Variants in SLIT1 observed in about 807,000 individuals in gnomAD.
SLIT1 encodes slit guidance ligand 1, also known as slit homolog 1 protein.
SLIT1 carries 66 observed loss-of-function variants against 186.1 expected under a neutral mutation model. The observed-to-expected ratio is 0.35, with a 90% confidence interval of 0.29 to 0.44. SLIT1 has a LOEUF of 0.44. Ranked by LOEUF, SLIT1 falls within the 20% of genes least tolerant of loss-of-function variation. SLIT1 has a pLI of 1.00. For synonymous variants in SLIT1, 761 were observed against 833.8 expected, an observed-to-expected ratio of 0.91 and a Z score of 1.50; for missense variants, 1,638 against 2,037.4, an observed-to-expected ratio of 0.80 and a Z score of 3.77.
At position 97,038,611 on chromosome 10, in the gene SLIT1, G is replaced by A. The variant is rs1033105423; in HGVS notation, c.2298-845C>T. On this transcript the variant is annotated intron_variant, in intron 21 of 36. Transcript: ENST00000266058. ...TGACCATTCATGCCTCCAGCCTGAA[G>A]GTGCTAAGCAGTGGCCCAATGCCAG... Among the ~76,000 whole-genome samples, 19 of 152,284 alleles carry A rather than the reference G, an allele frequency of 1.2e-4. 1 individual carries two copies. The highest frequency in any genetic ancestry group is 1.2e-3 in the South Asian group (6 of 4,826).
chr10:97,131,492 A>G (rs1197261962), intron 4 of SLIT1, among the ~76,000 whole-genome samples: 3 of 152,238 alleles, frequency 2.0e-5, no homozygotes, highest in African/African-American at 7.2e-5. Context: ...GGTATGGCCA[A>G]CAACACACTC....
At chr10:97,027,308 T>A (rs1193141272) in intron 25 of SLIT1, among the ~76,000 whole-genome samples, 1 of 152,242 alleles carries the variant, frequency 6.6e-6, no homozygotes, top group African/African-American at 2.4e-5. Context: ...GAGTTGCAGG[T>A]CTTAAGCACA....
chr10:97,138,993 A>G (rs911221147), intron 4 of SLIT1, among the ~76,000 whole-genome samples: 1 of 152,216 alleles, frequency 6.6e-6, no homozygotes, highest in African/African-American at 2.4e-5. Context: ...CCAAGACCAT[A>G]TCTAATCCAT....
At chr10:97,123,336 G>A (rs1434048564) in intron 4 of SLIT1, among the ~76,000 whole-genome samples, 1 of 152,218 alleles carries the variant, frequency 6.6e-6, no homozygotes, top group Admixed American at 6.5e-5. Context: ...CCTGTGGAAT[G>A]TAAAATTGTA....
chr10:97,147,859 C>G (rs1392112288), intron 4 of SLIT1, among the ~76,000 whole-genome samples: 1 of 152,196 alleles, frequency 6.6e-6, no homozygotes, highest in African/African-American at 2.4e-5. Flanking sequence ...ATTCCCACCC[C>G]TGTGTCTGCA....
intron 4 of SLIT1, among the ~76,000 whole-genome samples, chr10:97,107,910 C>A (rs985241718): frequency 1.3e-5 from 2 of 152,172 alleles, no homozygotes; most frequent in African/African-American, 4.8e-5. Flanking sequence ...AGAAGACAAA[C>A]CGAGGGGTTG....
At chr10:97,167,073 G>A (rs1280334726) in intron 1 of SLIT1, among the ~76,000 whole-genome samples, 1 of 152,132 alleles carries the variant, frequency 6.6e-6, no homozygotes, top group Non-Finnish European at 1.5e-5. Flanking sequence ...TTCCTAACAG[G>A]ATCTCTCAGA....
At chr10:97,001,465 T>A (rs2002616) in intron 36 of SLIT1, 115 bp from the exon 37 acceptor site, 73,523 of 768,372 alleles carry the variant, frequency 0.096, 4,539 homozygotes, top group Admixed American at 0.21. Flanking sequence ...GGTGGATCCT[T>A]TGGCTCTCAG....
In SLIT1 at chr10:97,011,162, G is replaced by C. The variant is rs546770315; in HGVS notation, c.3204-32C>G. 4.5e-6 allele frequency: 7 copies of C among 1,572,468 alleles called. No individual in the cohort carries two copies. The Admixed American group carries it at 1.0e-4, about 23-fold the overall frequency. ...GGTGGGGGGCAGGGGTAGTTGGGGG[G>C]TCAGCCACACAGAGTCTGGGAGGCC... On this transcript the variant is annotated intron_variant, in intron 30 of 36. Transcript: ENST00000266058.
At chr10:97,177,317 C>T (rs1484341090) in intron 1 of SLIT1, among the ~76,000 whole-genome samples, 1 of 152,202 alleles carries the variant, frequency 6.6e-6, no homozygotes, top group African/African-American at 2.4e-5. Flanking sequence ...TCCTCCAGGA[C>T]CAGTCGCCCT....
chr10:97,087,334 C>T (rs901045157), intron 4 of SLIT1, among the ~76,000 whole-genome samples: 3 of 152,186 alleles, frequency 2.0e-5, no homozygotes, highest in Admixed American at 6.5e-5. Context: ...TCTCCTGCAG[C>T]CCCCTCTCAC....
Position 97,002,341 on chromosome 10 carries a change from C to T in SLIT1, c.4183G>A (p.Asp1395Asn), listed in dbSNP as rs1281236527. ...CACTGGCAGCTGTAGGAAAGAGCGTCGAGGGGCACGCATTGCCCATGGACA... is the reference window on the plus strand; with the variant it reads ...CACTGGCAGCTGTAGGAAAGAGCGTTGAGGGGCACGCATTGCCCATGGACA... ...KCVHGQCVPL[D>N]ALSYSCQCQD... The change falls in exon 36 of 37, where the codon GAC becomes AAC. Residue 1395 changes from aspartate to asparagine, a missense_variant. Physicochemically the swap from Asp to Asn is conservative, Grantham distance 23. This residue lies in a region of SLIT1 where 220 missense variants were observed against 211.3 expected (regional missense o/e 1.04). Coordinates refer to ENST00000266058, the MANE Select transcript of SLIT1 (RefSeq NM_003061.3). The T allele has an allele frequency of 5.0e-6, 8 of 1,609,658 alleles. No individual in the cohort carries two copies. Among genetic ancestry groups the T allele is most frequent in the African/African-American group, 2.7e-5 (2 of 74,894 alleles).
intron 20 of SLIT1, among the ~76,000 whole-genome samples, chr10:97,042,141 T>G (rs1203872602): frequency 6.6e-6 from 1 of 152,112 alleles, no homozygotes; most frequent in Non-Finnish European, 1.5e-5. Flanking sequence ...AGCTCTCCAC[T>G]GCCACGTGGC....
chr10:97,068,455 A>C lies in SLIT1; in HGVS notation c.414-2369T>G, dbSNP rs1848971649. On this transcript the variant is annotated intron_variant, in intron 4 of 36. Transcript: ENST00000266058. This position sits in a 1 kb window ranked among gnomAD's most constrained non-coding sequence, Gnocchi z 4.2. ...CAGCCCCTCTGTCCTGTCCCCTCAC[A>C]GCCTTTAGAAAAGCAGCCAGGCACC... Among the ~76,000 whole-genome samples the C allele has an allele frequency of 6.6e-6, 1 of 151,818 alleles. No individual in the cohort carries two copies. The highest frequency in any genetic ancestry group is 2.1e-4 in the South Asian group (1 of 4,804).
intron 4 of SLIT1, among the ~76,000 whole-genome samples, chr10:97,143,469 G>C (rs1413990345): frequency 6.6e-6 from 1 of 152,242 alleles, no homozygotes. Flanking sequence ...GTACCTACCT[G>C]AGGCTGTGGG....
intron 1 of SLIT1, among the ~76,000 whole-genome samples, chr10:97,168,060 T>A (rs997692055): frequency 2.6e-5 from 4 of 152,206 alleles, no homozygotes; most frequent in Non-Finnish European, 5.9e-5. Flanking sequence ...CACACATGAA[T>A]ACAGAATGAG....
chr10:97,150,172 G>A lies in SLIT1; in HGVS notation c.413+7646C>T, dbSNP rs541648269. 7.9e-5 allele frequency among the ~76,000 whole-genome samples: 12 copies of A among 152,282 alleles called. No individual in the cohort carries two copies. In the South Asian group the frequency reaches 1.0e-3, roughly 13 times the overall value. On this transcript the variant is annotated intron_variant, in intron 4 of 36. Coordinates refer to ENST00000266058, the MANE Select transcript of SLIT1 (RefSeq NM_003061.3). ...CTGGGGAGGGGCGGCTGGGAGCCCC[G>A]TTCTCGTGTGCTGGTGTCTCGGGGC...
intron 4 of SLIT1, among the ~76,000 whole-genome samples, chr10:97,086,311 T>C (rs1249275915): frequency 6.6e-6 from 1 of 152,152 alleles, no homozygotes; most frequent in African/African-American, 2.4e-5. Flanking sequence ...GGCTCACGCC[T>C]GTAATCCCAG....
At chr10:97,171,774 G>A (rs1405461302) in intron 1 of SLIT1, among the ~76,000 whole-genome samples, 6 of 151,548 alleles carry the variant, frequency 4.0e-5, no homozygotes, top group African/African-American at 7.3e-5. Context: ...AGGTGAGATC[G>A]TGCCAGTGCA....
Sources: gnomAD v4.1 joint callset for allele counts (sites outside exome capture counted in the v4.1 genomes callset) on GRCh38, gnomAD v4.1.1 for gene constraint, gnomAD v4.1.1 regional missense constraint, Gnocchi (gnomAD v3.1) non-coding constraint, MANE v1.5 for transcripts, NCBI Gene and HGNC (gene_info 2026-07-23, HGNC 2026-07-21) for gene names.